The following RSF1 variants were observed in gnomAD, a reference collection of about 807,000 sequenced individuals.
RSF1 encodes the protein HBV pX-associated protein 8.
RSF1 carries 13 observed loss-of-function variants against 145.2 expected under a neutral mutation model. That is an observed-to-expected ratio of 0.09 (90% CI 0.06 to 0.14). The LOEUF (loss-of-function observed/expected upper bound fraction) is 0.14, where lower values mean the gene tolerates loss of function less well. RSF1 is among the 10% of genes least tolerant of loss of function. RSF1 has a pLI of 1.00. For synonymous variants in RSF1, 577 were observed against 592.6 expected (o/e 0.97, Z 0.38); for missense variants, 1,517 against 1,718.2 (o/e 0.88, Z 2.07).
chr11:77,703,189 C>T lies in RSF1; in HGVS notation c.734-694G>A, dbSNP rs552991057. The stretch of plus-strand genomic sequence containing the variant: ...TATTACAACTTACTTTATCAAATGC[C>T]ACCACTGAACATTTCAGAAGTTAGT... On this transcript the variant is annotated intron_variant, in intron 5 of 15. Coordinates refer to ENST00000308488, the MANE Select transcript of RSF1 (RefSeq NM_016578.4). 2.0e-5 allele frequency: 3 copies of T among 152,180 alleles called. No individual in the cohort carries two copies. The East Asian group carries it at 5.8e-4, about 29-fold the overall frequency. The allele number at this position is 152,180 out of a possible 1,614,324, so 9.4% of individuals were successfully genotyped here. A position where few individuals can be genotyped will look rare whatever the true frequency, so the allele number is the denominator to read the frequency against.
chr11:77,757,697 GA>G (rs1388944835), intron 2 of RSF1, among the ~76,000 whole-genome samples: 2 of 151,888 alleles, frequency 1.3e-5, no homozygotes, highest in Admixed American at 6.6e-5. Context: ...GAAAAAAAAA[GA>G]AAAAAGAAAA....
chr11:77,807,452 A>T (rs547792879), intron 1 of RSF1, among the ~76,000 whole-genome samples: 1 of 152,242 alleles, frequency 6.6e-6, no homozygotes. Context: ...CATGATACAA[A>T]TATCTGCTGT....
chr11:77,764,000 G>A (rs190248732), intron 2 of RSF1: 1 of 152,360 alleles, frequency 6.6e-6, no homozygotes, highest in East Asian at 1.9e-4. Flanking sequence ...GAAGTGATGG[G>A]AGATAGTGAC....
chr11:77,734,569 A>G (rs1174962227), intron 4 of RSF1: 15 of 1,545,920 alleles, frequency 9.7e-6, no homozygotes, highest in Non-Finnish European at 1.2e-5. Context: ...CAAGTTGGTC[A>G]CATGGTCATC....
rs1225103987 is a variant in RSF1, at chr11:77,671,138, AATATATATATATATATATATATAT to A, written c.3751+880_3751+903del. 1.4e-3 allele frequency among the ~76,000 whole-genome samples: 30 copies of A among 22,054 alleles called. 1 individual carries two copies. Among genetic ancestry groups the A allele is most frequent in the South Asian group, 5.6e-3 (2 of 358 alleles). 14.5% of individuals were successfully genotyped at this position (22,054 alleles called of 152,430 possible). A position where few individuals can be genotyped will look rare whatever the true frequency, so the allele number is the denominator to read the frequency against. The stretch of plus-strand genomic sequence containing the variant: ...AAAAAAAAAAAAAAAAAAAAAAAAA[AATATATATATATATATATATATAT>A]ATATATATATATATATTTATATGTA... On this transcript the variant is annotated intron_variant, in intron 15 of 15. Coordinates refer to ENST00000308488, the MANE Select transcript of RSF1 (RefSeq NM_016578.4).
At position 77,667,461 on chromosome 11, in the gene RSF1, T is replaced by A. The variant is rs746410106; in HGVS notation, c.3782A>T (p.Asp1261Val). 6 of 1,611,954 alleles carry A rather than the reference T, an allele frequency of 3.7e-6. No individual in the cohort carries two copies. Among genetic ancestry groups the A allele is most frequent in the Non-Finnish European group, 5.1e-6 (6 of 1,179,844 alleles). ...CCGCTTTGATTCTTTAGCTAGCTCA[T>A]CATCTTCAGAGTTCTTGGACAAATA... ...ESYLSKNSEDDELAKESKRSV... is the reference protein window; with the variant it reads ...ESYLSKNSEDVELAKESKRSV... Residue 1261 changes from aspartate to valine, a missense_variant, in exon 16 of 16, where the codon GAT becomes GTT. Asp to Val is a radical substitution (Grantham distance 152). Transcript: ENST00000308488.
the RSF1 span, among the ~76,000 whole-genome samples, chr11:77,854,921 C>A: frequency 6.6e-6 from 1 of 152,232 alleles, no homozygotes; most frequent in Non-Finnish European, 1.5e-5. Context: ...CATACATCCT[C>A]TAAAAACTAG....
intron 2 of RSF1, chr11:77,762,152 A>G (rs1318655940): frequency 6.7e-6 from 1 of 148,312 alleles, no homozygotes; most frequent in Admixed American, 6.9e-5. Context: ...TACACATGTG[A>G]GCCACTGTGC....
chr11:77,667,210 T>C lies in RSF1; in HGVS notation c.4033A>G (p.Ser1345Gly). 2 of 1,614,224 alleles carry C rather than the reference T, an allele frequency of 1.2e-6. No individual in the cohort carries two copies. The highest frequency in any genetic ancestry group is 1.7e-6 in the Non-Finnish European group (2 of 1,180,044). Residue 1345 changes from serine (S) to glycine (G), a missense_variant, in exon 16 of 16, where the codon AGT (serine) becomes GGT (glycine). This residue lies in a region of RSF1 where 240 missense variants were observed against 231.8 expected (regional missense o/e 1.04). Coordinates refer to ENST00000308488, the MANE Select transcript of RSF1 (RefSeq NM_016578.4). ...ESTKKPYRIE[S>G]DEEEDFENVG... The stretch of plus-strand genomic sequence containing the variant: ...TTTTCAAAGTCCTCTTCCTCATCAC[T>C]TTCTATCCGGTAGGGCTTCTTGGTG...
intron 1 of RSF1, among the ~76,000 whole-genome samples, chr11:77,797,173 A>G (rs1231205807): frequency 2.0e-5 from 3 of 152,194 alleles, no homozygotes; most frequent in African/African-American, 7.2e-5. Flanking sequence ...TAAACTTCAT[A>G]TGGAACCAAA....
At chr11:77,815,066 C>T (rs904068355) in intron 1 of RSF1, among the ~76,000 whole-genome samples, 2 of 152,150 alleles carry the variant, frequency 1.3e-5, no homozygotes, top group Non-Finnish European at 2.9e-5. Context: ...ACATGAGGAT[C>T]AGGAAATGGA....
intron 4 of RSF1, among the ~76,000 whole-genome samples, chr11:77,734,044 G>A (rs1961276010): frequency 6.6e-6 from 1 of 152,078 alleles, no homozygotes; most frequent in African/African-American, 2.4e-5. Context: ...ACTGGAATAA[G>A]TAGGACACTG....
At chr11:77,731,178 T>C (rs1244368318) in intron 4 of RSF1, among the ~76,000 whole-genome samples, 1 of 152,142 alleles carries the variant, frequency 6.6e-6, no homozygotes, top group Non-Finnish European at 1.5e-5. Context: ...CAGAATGAGA[T>C]GAGGAACTTG....
At chr11:77,703,816 A>G (rs1241113317) in intron 5 of RSF1, among the ~76,000 whole-genome samples, 1 of 152,200 alleles carries the variant, frequency 6.6e-6, no homozygotes, top group Non-Finnish European at 1.5e-5. Context: ...TAAAAGTCCT[A>G]CAGCATAAAT....
intron 5 of RSF1, among the ~76,000 whole-genome samples, chr11:77,722,503 C>T (rs554537836): frequency 1.3e-5 from 2 of 152,084 alleles, no homozygotes; most frequent in African/African-American, 4.8e-5. Flanking sequence ...AAAAAACTCC[C>T]GAAGTGAACA....
intron 15 of RSF1, among the ~76,000 whole-genome samples, chr11:77,668,056 G>A (rs1454242503): frequency 2.6e-5 from 4 of 151,746 alleles, no homozygotes; most frequent in African/African-American, 9.7e-5. Flanking sequence ...GGAGTATCAT[G>A]GCGCAAACTA....
intron 5 of RSF1, among the ~76,000 whole-genome samples, chr11:77,715,059 G>T (rs1960774886): frequency 6.6e-6 from 1 of 152,084 alleles, no homozygotes. Flanking sequence ...AGGTGTTCAA[G>T]GTTACAGTGA....
At chr11:77,784,647 G>A (rs568610136) in intron 1 of RSF1, among the ~76,000 whole-genome samples, 5 of 152,284 alleles carry the variant, frequency 3.3e-5, no homozygotes, top group Admixed American at 3.3e-4. Flanking sequence ...GTAAAAATCA[G>A]TTGGGCTTTG....
chr11:77,865,211 ATTAC>A, the RSF1 span, among the ~76,000 whole-genome samples: 1 of 152,204 alleles, frequency 6.6e-6, no homozygotes, highest in Non-Finnish European at 1.5e-5. Flanking sequence ...ACTTAGCATG[ATTAC>A]TTAGTGTGAA....
Sources: gnomAD v4.1 joint callset for allele counts (sites outside exome capture counted in the v4.1 genomes callset) on GRCh38, gnomAD v4.1.1 for gene constraint, gnomAD v4.1.1 regional missense constraint, MANE v1.5 for transcripts, NCBI Gene and HGNC (gene_info 2026-07-23, HGNC 2026-07-21) for gene names.